The following ATP2B2 variants were observed in gnomAD, a reference collection of about 807,000 sequenced individuals.
ATP2B2 encodes the protein plasma membrane calcium-transporting ATPase 2.
ATP2B2 carries 15 observed loss-of-function variants against 120.0 expected under a neutral mutation model. The observed-to-expected ratio is 0.12, with a 90% CI of 0.08 to 0.19. The LOEUF (loss-of-function observed/expected upper bound fraction) is 0.19, where lower values mean the gene tolerates loss of function less well. Among genes scored for constraint, ATP2B2 ranks in the 10% least tolerant of loss-of-function variants. ATP2B2 has a pLI of 1.00. For missense variants in ATP2B2, 1,045 were observed against 1,719.8 expected, an observed-to-expected ratio of 0.61 and a Z score of 6.94; for synonymous variants, 694 against 700.3, an observed-to-expected ratio of 0.99 and a Z score of 0.14.
chr3:10,627,696 C>G (rs555345499), intron 1 of ATP2B2, among the ~76,000 whole-genome samples: 1 of 152,176 alleles, frequency 6.6e-6, no homozygotes, highest in African/African-American at 2.4e-5. Flanking sequence ...TTCTTCATTA[C>G]GAATTTCTCC....
chr3:10,522,149 G>A (rs1170647460), intron 3 of ATP2B2, among the ~76,000 whole-genome samples: 1 of 152,208 alleles, frequency 6.6e-6, no homozygotes, highest in African/African-American at 2.4e-5. Flanking sequence ...CCTACTGTGA[G>A]CCAGGTTGCC....
intron 3 of ATP2B2, among the ~76,000 whole-genome samples, chr3:10,519,941 A>G (rs1395402590): frequency 6.6e-6 from 1 of 152,188 alleles, no homozygotes; most frequent in Non-Finnish European, 1.5e-5. Context: ...ACATCATACA[A>G]CTGCTATTGG....
intron 1 of ATP2B2, among the ~76,000 whole-genome samples, chr3:10,699,984 C>A (rs1293816230): frequency 1.3e-5 from 2 of 152,090 alleles, no homozygotes; most frequent in African/African-American, 4.8e-5. Context: ...TGGTCTCTTA[C>A]AATAGCACAA....
chr3:10,516,490 T>A lies in ATP2B2; in HGVS notation c.-320+17549A>T, dbSNP rs761649091. On this transcript the variant is annotated intron_variant, in intron 3 of 21. Transcript: ENST00000646379. ...AGGCACTTCCCAAACAGCCACTCCC[T>A]CTTAGCTGCCAGCACCTCAGATACC... is the stretch of plus-strand genomic sequence containing the variant. Among the ~76,000 whole-genome samples, 25 of 152,332 alleles carry A rather than the reference T, an allele frequency of 1.6e-4. No individual in the cohort carries two copies. In the Middle Eastern group the frequency reaches 0.014, roughly 83 times the overall value.
chr3:10,340,310 A>C lies in ATP2B2; in HGVS notation c.3169T>G (p.Ser1057Ala), dbSNP rs753542319. 6.2e-7 allele frequency: 1 copy of C among 1,614,210 alleles called. No individual in the cohort carries two copies. The change falls in exon 21 of 23, where the codon TCT (serine) becomes GCT (alanine). Residue 1057 changes from serine (S) to alanine (A), a missense_variant. Physicochemically the swap from Ser to Ala is moderately conservative, Grantham distance 99. This residue lies in a region of ATP2B2 where 211 missense variants were observed against 385.1 expected (regional missense o/e 0.55). Transcript: ENST00000360273. The surrounding 1 kb of genome is among the most constrained non-coding windows in gnomAD (Gnocchi z 5.0). ...ATCCACTGGTCCAGCTGCAGTGGAG[A>C]GCAGCTGAATGGCTTCCCTCCAAAC... ...VQFGGKPFSC[S>A]PLQLDQWMWC...
chr3:10,393,337 T>C (rs1009179643), intron 5 of ATP2B2, among the ~76,000 whole-genome samples: 1 of 151,988 alleles, frequency 6.6e-6, no homozygotes, highest in African/African-American at 2.4e-5. Context: ...TGGTGTTCAA[T>C]AGGAAGCCGC....
chr3:10,562,692 G>A (rs558933698), intron 2 of ATP2B2, among the ~76,000 whole-genome samples: 9 of 152,318 alleles, frequency 5.9e-5, no homozygotes, highest in Non-Finnish European at 1.5e-5. Flanking sequence ...ATTGGTAGCA[G>A]TGTTATGTAA....
chr3:10,328,867 C>G lies in ATP2B2; in HGVS notation c.3679G>C (p.Ala1227Pro). Residue 1227 changes from alanine (A) to proline (P), a missense_variant, in exon 23 of 23, where the codon GCT becomes CCT. By Grantham distance (27) the Ala-to-Pro change is conservative (BLOSUM62 -1). This residue lies in a region of ATP2B2 where 211 missense variants were observed against 385.1 expected (regional missense o/e 0.55). Coordinates refer to ENST00000360273, the MANE Select transcript of ATP2B2 (RefSeq NM_001001331.4). ...INLTTDTSKS[A>P]TSSSPGSPIH... ...GGGCTCCCTGGACTTGAAGAGGTAGCTGATTTGCTTGTGTCGGTCGTCAGG... is the reference window on the plus strand; with the variant it reads ...GGGCTCCCTGGACTTGAAGAGGTAGGTGATTTGCTTGTGTCGGTCGTCAGG... 6.2e-7 allele frequency: 1 copy of G among 1,613,760 alleles called. No homozygotes were observed. The highest frequency in any genetic ancestry group is 1.1e-5 in the South Asian group (1 of 91,054).
intron 2 of ATP2B2, among the ~76,000 whole-genome samples, chr3:10,566,724 C>G (rs1189801341): frequency 6.6e-6 from 1 of 152,162 alleles, no homozygotes; most frequent in Non-Finnish European, 1.5e-5. Flanking sequence ...CTAACACAGA[C>G]AGGGTGGCTG....
At chr3:10,590,881 C>T (rs2068628214) in intron 2 of ATP2B2, among the ~76,000 whole-genome samples, 1 of 152,156 alleles carries the variant, frequency 6.6e-6, no homozygotes, top group Non-Finnish European at 1.5e-5. Flanking sequence ...GGCTCAGCTC[C>T]TGGGCTCCCT....
In ATP2B2 at chr3:10,516,754, G is replaced by A. The variant is rs748016086; in HGVS notation, c.-320+17285C>T. On this transcript the variant is annotated intron_variant, in intron 3 of 21. Transcript: ENST00000646379. ...GTGATATTTACAGGGCTCTCGCCACGTGCCAGGTGCCGTGCCCACAGCCTT... is the reference window on the plus strand; with the variant it reads ...GTGATATTTACAGGGCTCTCGCCACATGCCAGGTGCCGTGCCCACAGCCTT... Among the ~76,000 whole-genome samples, 99 of 152,310 alleles carry A rather than the reference G, an allele frequency of 6.5e-4. 1 individual carries two copies. Among genetic ancestry groups the A allele is most frequent in the Non-Finnish European group, 1.1e-3 (75 of 68,030 alleles).
Position 10,340,399 on chromosome 3 carries a change from A to G in ATP2B2, c.3130-50T>C, listed in dbSNP as rs978166255. 5.0e-6 allele frequency: 8 copies of G among 1,611,072 alleles called. No homozygotes were observed. The East Asian group carries it at 6.7e-5, about 13-fold the overall frequency. ...AAGAGAGAGAGAGAGGCCATCAGGG[A>G]CCAGCACAGAGGGCTGGGCTCTCAG... On this transcript the variant is annotated intron_variant, in intron 20 of 22. Transcript: ENST00000360273. This position sits in a 1 kb window ranked among gnomAD's most constrained non-coding sequence, Gnocchi z 5.0.
chr3:10,617,328 T>TAAAATTATAA (rs1338859308), intron 2 of ATP2B2, among the ~76,000 whole-genome samples: 1 of 152,046 alleles, frequency 6.6e-6, no homozygotes, highest in Non-Finnish European at 1.5e-5. Flanking sequence ...ATTAAAAGAT[T>TAAAATTATAA]CCCAGGGTTT....
chr3:10,697,881 C>T lies in ATP2B2; in HGVS notation c.-460+10034G>A, dbSNP rs113399707. Among the ~76,000 whole-genome samples, 661 of 152,352 alleles carry T rather than the reference C, an allele frequency of 4.3e-3. 8 individuals are homozygous for T. The highest frequency in any genetic ancestry group is 0.013 in the African/African-American group (551 of 41,584). On this transcript the variant is annotated intron_variant, in intron 1 of 21. Transcript: ENST00000646379. ...CCAATACTTTTCTCAATACCTACCACGTGCCTTGCCCTGTGCTAGCCTTCA... is the reference window on the plus strand; with the variant it reads ...CCAATACTTTTCTCAATACCTACCATGTGCCTTGCCCTGTGCTAGCCTTCA...
chr3:10,700,045 A>C (rs1268311104), intron 1 of ATP2B2, among the ~76,000 whole-genome samples: 15 of 152,202 alleles, frequency 9.9e-5, no homozygotes, highest in Admixed American at 9.8e-4. Flanking sequence ...AAAGAGAAAA[A>C]ATACATATAT....
In ATP2B2 at chr3:10,516,024, G is replaced by T. The variant is rs1371575204; in HGVS notation, c.-320+18015C>A. Among the ~76,000 whole-genome samples the T allele has an allele frequency of 2.0e-5, 3 of 152,262 alleles. No individual in the cohort carries two copies. The East Asian group carries it at 5.8e-4, about 29-fold the overall frequency. Reference sequence around the variant, plus strand: ...TGTTGTCAGTGATCTCATATTGGCAGCTTACAATCTGCCAAGGTGGGAGCA... The same window carrying T: ...TGTTGTCAGTGATCTCATATTGGCATCTTACAATCTGCCAAGGTGGGAGCA... On this transcript the variant is annotated intron_variant, in intron 3 of 21. Transcript: ENST00000646379.
intron 2 of ATP2B2, among the ~76,000 whole-genome samples, chr3:10,559,106 C>A (rs2067844303): frequency 6.6e-6 from 1 of 152,182 alleles, no homozygotes. Flanking sequence ...AAATGCAAGT[C>A]CCCCCAGGAG....
intron 5 of ATP2B2, among the ~76,000 whole-genome samples, chr3:10,394,175 G>A (rs1376239367): frequency 6.6e-6 from 1 of 152,118 alleles, no homozygotes; most frequent in East Asian, 1.9e-4. Context: ...TCCTTCAGTG[G>A]GGAGAGGCTG....
intron 1 of ATP2B2, among the ~76,000 whole-genome samples, chr3:10,501,575 G>A (rs2066395700): frequency 6.6e-6 from 1 of 151,742 alleles, no homozygotes; most frequent in Admixed American, 6.6e-5. Context: ...CTTGGAGAGT[G>A]CCCTTGGAGC....
Sources: allele counts gnomAD v4.1 joint callset (sites outside exome capture counted in the v4.1 genomes callset), GRCh38; gene constraint gnomAD v4.1.1; regional missense constraint gnomAD v4.1.1; non-coding constraint Gnocchi (gnomAD v3.1); transcripts MANE v1.5; gene names NCBI Gene and HGNC (gene_info 2026-07-23, HGNC 2026-07-21).